MGMT: variants seen among roughly 807,000 people sequenced by gnomAD.
MGMT encodes methylated-DNA--protein-cysteine methyltransferase.
A neutral mutation model predicts 15.9 loss-of-function variants in MGMT; 14 were observed. The ratio of observed to expected loss-of-function variants is 0.88; its 90% CI spans 0.58 to 1.37. The LOEUF is 1.37. MGMT is among the 40% of genes most tolerant of loss of function. The pLI is 0.00. For missense variants in MGMT, 282 were observed against 268.1 expected, an observed-to-expected ratio of 1.05 and a Z score of -0.36; for synonymous variants, 130 against 118.2, an observed-to-expected ratio of 1.10 and a Z score of -0.65.
At position 129,758,105 on chromosome 10, in the gene MGMT, T is replaced by C. The variant is rs545038913; in HGVS notation, c.275-1097T>C. Among the ~76,000 whole-genome samples the C allele has an allele frequency of 3.9e-5, 6 of 152,358 alleles. No individual in the cohort carries two copies. In the South Asian group the frequency reaches 1.2e-3, roughly 32 times the overall value. On this transcript the variant is annotated intron_variant, in intron 3 of 4. Transcript: ENST00000651593. Reference sequence around the variant, plus strand: ...CTGATGTTTAATTTGCTTAATGTTATAATAAAGACTAAACAGATTTTTTTC... The same window carrying C: ...CTGATGTTTAATTTGCTTAATGTTACAATAAAGACTAAACAGATTTTTTTC...
chr10:129,587,716 G>A (rs1846633950), intron 2 of MGMT, among the ~76,000 whole-genome samples: 1 of 151,802 alleles, frequency 6.6e-6, no homozygotes, highest in African/African-American at 2.4e-5. Flanking sequence ...GATTACAGGT[G>A]TGAGCCACCG....
chr10:129,590,798 A>G (rs1374509062), intron 2 of MGMT, among the ~76,000 whole-genome samples: 2 of 152,164 alleles, frequency 1.3e-5, no homozygotes, highest in East Asian at 1.9e-4. Flanking sequence ...GGCAATCACA[A>G]TCTTGATTTT....
chr10:129,647,225 C>T (rs991010202), intron 2 of MGMT, among the ~76,000 whole-genome samples: 1 of 152,240 alleles, frequency 6.6e-6, no homozygotes, highest in Non-Finnish European at 1.5e-5. Flanking sequence ...GCTCTGCTCA[C>T]CCGCCCAGCG....
intron 3 of MGMT, among the ~76,000 whole-genome samples, chr10:129,747,758 A>C (rs1848710594): frequency 1.3e-5 from 2 of 152,090 alleles, no homozygotes; most frequent in South Asian, 4.2e-4. Context: ...CCTGCCTTGG[A>C]TACTGCATTC....
chr10:129,566,599 G>T lies in MGMT; in HGVS notation c.125+30222G>T, dbSNP rs1371044059. Among the ~76,000 whole-genome samples, 1 of 152,070 alleles carries T rather than the reference G, an allele frequency of 6.6e-6. No homozygotes were observed. The highest frequency in any genetic ancestry group is 2.4e-5 in the African/African-American group (1 of 41,404). ...TGCACTGAGGACCACAGCAGCCCTCGCATTCCTACACATACCCCTTTGCCC... is the reference window on the plus strand; with the variant it reads ...TGCACTGAGGACCACAGCAGCCCTCTCATTCCTACACATACCCCTTTGCCC... On this transcript the variant is annotated intron_variant, in intron 2 of 4. Coordinates refer to ENST00000651593, the MANE Select transcript of MGMT (RefSeq NM_002412.5). The surrounding 1 kb of genome is among the most constrained non-coding windows in gnomAD (Gnocchi z 4.1).
chr10:129,643,373 T>A (rs575626099), intron 2 of MGMT, among the ~76,000 whole-genome samples: 1 of 152,272 alleles, frequency 6.6e-6, no homozygotes, highest in South Asian at 2.1e-4. Context: ...TGAGTTGCAG[T>A]GGTTTTGAGT....
chr10:129,510,355 G>GA (rs1845668593), intron 1 of MGMT, among the ~76,000 whole-genome samples: 1 of 152,222 alleles, frequency 6.6e-6, no homozygotes, highest in Admixed American at 6.5e-5. Context: ...TGAGAGGACT[G>GA]AATCGGTGCA....
At chr10:129,608,771 A>T (rs1344536717) in intron 2 of MGMT, among the ~76,000 whole-genome samples, 2 of 152,226 alleles carry the variant, frequency 1.3e-5, no homozygotes. Flanking sequence ...GTGGAGTGAC[A>T]GTCCAGGAAC....
chr10:129,488,926 C>T (rs1845439870), intron 1 of MGMT, among the ~76,000 whole-genome samples: 2 of 152,176 alleles, frequency 1.3e-5, no homozygotes, highest in Admixed American at 1.3e-4. Flanking sequence ...TGAGGAGAGA[C>T]ACAGTAAATG....
At chr10:129,574,677 A>G (rs1021595498) in intron 2 of MGMT, among the ~76,000 whole-genome samples, 3 of 152,238 alleles carry the variant, frequency 2.0e-5, no homozygotes, top group South Asian at 2.1e-4. Context: ...CAGTTTGTCT[A>G]TTAAAGGGGA....
At chr10:129,491,009 T>C (rs1482082591) in intron 1 of MGMT, among the ~76,000 whole-genome samples, 2 of 152,168 alleles carry the variant, frequency 1.3e-5, no homozygotes, top group Admixed American at 1.3e-4. Context: ...ATTTTAATTA[T>C]ATATACACAT....
chr10:129,503,835 C>G (rs1472854453), intron 1 of MGMT, among the ~76,000 whole-genome samples: 1 of 152,200 alleles, frequency 6.6e-6, no homozygotes. Context: ...ATGTTACAGA[C>G]TTTTTCCTCC....
At chr10:129,525,760 A>G (rs1294018396) in intron 1 of MGMT, among the ~76,000 whole-genome samples, 1 of 152,068 alleles carries the variant, frequency 6.6e-6, no homozygotes, top group African/African-American at 2.4e-5. Context: ...ACCTTCTTTC[A>G]ATTTGCAGGC....
intron 2 of MGMT, among the ~76,000 whole-genome samples, chr10:129,553,277 T>A (rs908114825): frequency 2.0e-5 from 3 of 152,182 alleles, no homozygotes; most frequent in Non-Finnish European, 2.9e-5. Context: ...TATGTTGAAG[T>A]GAAGTGAGAT....
intron 3 of MGMT, among the ~76,000 whole-genome samples, chr10:129,723,876 C>G (rs1848403008): frequency 6.6e-6 from 1 of 152,166 alleles, no homozygotes; most frequent in Admixed American, 6.5e-5. Flanking sequence ...CAGACACCAC[C>G]AAGTGTCGCA....
At chr10:129,569,215 G>A (rs1055537610) in intron 2 of MGMT, among the ~76,000 whole-genome samples, 1 of 152,060 alleles carries the variant, frequency 6.6e-6, no homozygotes, top group African/African-American at 2.4e-5. Context: ...CAGATGTGAC[G>A]ATAGACATAA....
At chr10:129,499,513 C>T (rs1845554668) in intron 1 of MGMT, among the ~76,000 whole-genome samples, 1 of 152,194 alleles carries the variant, frequency 6.6e-6, no homozygotes, top group Non-Finnish European at 1.5e-5. Context: ...ATAGCATTTT[C>T]TGCTAATTTA....
At chr10:129,698,257 G>A (rs561797321) in intron 2 of MGMT, among the ~76,000 whole-genome samples, 17 of 152,320 alleles carry the variant, frequency 1.1e-4, no homozygotes, top group African/African-American at 4.1e-4. Context: ...GCGTCATAGC[G>A]TTTGCATGAC....
chr10:129,755,709 G>A (rs1848798316), intron 3 of MGMT, among the ~76,000 whole-genome samples: 1 of 152,264 alleles, frequency 6.6e-6, no homozygotes, highest in Admixed American at 6.5e-5. Flanking sequence ...ATCTCAGAGA[G>A]GGCCAGCTGC....
Sources: allele counts gnomAD v4.1 joint callset (sites outside exome capture counted in the v4.1 genomes callset), GRCh38; gene constraint gnomAD v4.1.1; non-coding constraint Gnocchi (gnomAD v3.1); transcripts MANE v1.5; gene names NCBI Gene and HGNC (gene_info 2026-07-23, HGNC 2026-07-21).